Variants in LEPROTL1 observed in about 807,000 individuals in gnomAD.
LEPROTL1 encodes the protein leptin receptor overlapping transcript-like 1.
Under a neutral mutation model 15.4 loss-of-function variants are expected in LEPROTL1, and 6 were observed. The ratio of observed to expected loss-of-function variants is 0.39; its 90% confidence interval spans 0.21 to 0.77. The LOEUF is 0.77. Ranked by LOEUF, LEPROTL1 falls within the 30% of genes least tolerant of loss-of-function variation. LEPROTL1 has a pLI of 0.41. For missense variants in LEPROTL1, 128 were observed against 158.1 expected, an observed-to-expected ratio of 0.81 and a Z score of 1.02; for synonymous variants, 56 against 52.6, an observed-to-expected ratio of 1.06 and a Z score of -0.28.
chr8:30,128,125 C>T (rs527742887), intron 3 of LEPROTL1, among the ~76,000 whole-genome samples: 3 of 152,270 alleles, frequency 2.0e-5, no homozygotes, highest in South Asian at 4.1e-4. Flanking sequence ...TCCGGGCTGT[C>T]CTCTGGGCAG....
Position 30,107,793 on chromosome 8 carries a change from T to G in LEPROTL1, c.*1931T>G. ...GTGCATTCTCTGGTCCTTCCCTATT[T>G]TCTGTTCTGGATGTCAGTGCAGTGC... On this transcript the variant is annotated 3_prime_UTR_variant, in exon 4 of 4. Transcript: ENST00000321250. 2 of 985,454 alleles carry G rather than the reference T, an allele frequency of 2.0e-6. No individual in the cohort carries two copies. The highest frequency in any genetic ancestry group is 2.4e-6 in the Non-Finnish European group (2 of 829,930). 61.0% of individuals were successfully genotyped at this position (985,454 alleles called of 1,614,324 possible).
chr8:30,132,894 A>T, intron 4 of LEPROTL1: 1 of 1,521,810 alleles, frequency 6.6e-7, no homozygotes, highest in Non-Finnish European at 8.8e-7. Context: ...GAGAAGAAAG[A>T]GTGATGCAGA....
At chr8:30,117,788 C>G (rs553343562) in intron 3 of LEPROTL1, 1 of 740,770 alleles carries the variant, frequency 1.3e-6, no homozygotes, top group Non-Finnish European at 2.3e-6. Flanking sequence ...ATTGTGGCGG[C>G]GCAGAAAGAT....
intron 1 of LEPROTL1, 56 bp downstream of exon 1, chr8:30,095,584 G>A (rs999123903): frequency 3.4e-5 from 44 of 1,295,632 alleles, no homozygotes; most frequent in Non-Finnish European, 4.0e-5. Flanking sequence ...AAGATGGGCC[G>A]GGGGTCCCAC....
chr8:30,102,007 G>T, intron 2 of LEPROTL1, 34 bp downstream of exon 2: 1 of 1,398,324 alleles, frequency 7.2e-7, no homozygotes. Context: ...GAATATTTAA[G>T]GGTAAAATTT....
Position 30,108,409 on chromosome 8 carries a change from A to G in LEPROTL1, c.*2547A>G, listed in dbSNP as rs966773776. On this transcript the variant is annotated 3_prime_UTR_variant, in exon 4 of 4. Transcript: ENST00000321250. ...TTTCAGAACATTTTTATGACTTCTT[A>G]TTATGTATTTATTACCACTCATTAT... 25 of 152,038 alleles carry G rather than the reference A, an allele frequency of 1.6e-4. No homozygotes were observed. Among genetic ancestry groups the G allele is most frequent in the Non-Finnish European group, 8.8e-5 (6 of 68,002 alleles). The allele number at this position is 152,038 out of a possible 1,614,324, so 9.4% of individuals were successfully genotyped here.
downstream of LEPROTL1, among the ~76,000 whole-genome samples, chr8:30,108,937 G>GT (rs1802614360): frequency 6.6e-6 from 1 of 151,920 alleles, no homozygotes; most frequent in Non-Finnish European, 1.5e-5. Context: ...GCTAATTTTC[G>GT]TATTTTTTGT....
At chr8:30,117,636 A>G (rs529683582) in intron 3 of LEPROTL1, 50 of 1,477,870 alleles carry the variant, frequency 3.4e-5, no homozygotes, top group South Asian at 3.1e-4. Context: ...AAATTCGCCA[A>G]TGTAACCATG....
Position 30,105,981 on chromosome 8 carries a change from G to T in LEPROTL1, c.*119G>T. The T allele has an allele frequency of 2.3e-6, 3 of 1,294,500 alleles. No homozygotes were observed. The highest frequency in any genetic ancestry group is 3.0e-6 in the Non-Finnish European group (3 of 1,009,876). 80.2% of individuals were successfully genotyped at this position (1,294,500 alleles called of 1,614,324 possible). On this transcript the variant is annotated 3_prime_UTR_variant, in exon 4 of 4. Transcript: ENST00000321250. The stretch of plus-strand genomic sequence containing the variant: ...AGCAAGCCTCTTGGGGGTATTTTAG[G>T]TGCTCCCTTCTCACTTTTATTGTAA...
chr8:30,109,469 A>T (rs1457145915), downstream of LEPROTL1, among the ~76,000 whole-genome samples: 5 of 152,230 alleles, frequency 3.3e-5, no homozygotes, highest in Non-Finnish European at 7.3e-5. Context: ...TGAAAGTATT[A>T]AATGGATTGT....
intron 3 of LEPROTL1, among the ~76,000 whole-genome samples, chr8:30,127,977 G>T (rs1287647747): frequency 6.6e-6 from 1 of 152,068 alleles, no homozygotes; most frequent in Non-Finnish European, 1.5e-5. Context: ...TAATAGAGTG[G>T]GTAATGAAGG....
chr8:30,133,605 A>G (rs192886832), intron 4 of LEPROTL1, among the ~76,000 whole-genome samples: 50 of 152,166 alleles, frequency 3.3e-4, no homozygotes, highest in Admixed American at 1.6e-3. Context: ...TTAATTCAGA[A>G]CCACACACTA....
At chr8:30,112,441 G>T (rs112428364), downstream of LEPROTL1, among the ~76,000 whole-genome samples, 15,954 of 50,226 alleles carry the variant, frequency 0.32, 1,229 homozygotes, top group East Asian at 0.5. Context: ...TGGATTTTTG[G>T]TAGGCACAGG....
intron 1 of LEPROTL1, 116 bp from the exon 2 acceptor site, chr8:30,101,782 A>G: frequency 1.7e-6 from 1 of 594,608 alleles, no homozygotes; most frequent in Non-Finnish European, 2.9e-6. Flanking sequence ...GCAACTTGCT[A>G]TTAATACGTT....
At chr8:30,127,603 A>G (rs1802923799) in intron 3 of LEPROTL1, among the ~76,000 whole-genome samples, 1 of 151,410 alleles carries the variant, frequency 6.6e-6, no homozygotes, top group African/African-American at 2.4e-5. Flanking sequence ...CAGGAGTTCA[A>G]TGCTGAAGTG....
In LEPROTL1 at chr8:30,104,318, T is replaced by G. The variant is rs761759545; in HGVS notation, c.111T>G (p.Phe37Leu). 3.9e-6 allele frequency: 6 copies of G among 1,539,380 alleles called. No individual in the cohort carries two copies. The highest frequency in any genetic ancestry group is 5.3e-6 in the Non-Finnish European group (6 of 1,140,982). The change falls in exon 3 of 4, where the codon TTT becomes TTG. Residue 37 changes from phenylalanine (F) to leucine (L), a missense_variant. Phe to Leu is a conservative substitution (Grantham distance 22). Transcript: ENST00000321250. Reference protein sequence around the residue: ...LPIYNKYWPLFVLFFYILSPI... With the variant: ...LPIYNKYWPLLVLFFYILSPI... ...TTTCTAGCAAATACTGGCCCCTCTT[T>G]GTTCTATTTTTTTACATCCTTTCAC...
chr8:30,114,061 C>T (rs1177209091), intron 3 of LEPROTL1, among the ~76,000 whole-genome samples: 2 of 152,108 alleles, frequency 1.3e-5, no homozygotes, highest in African/African-American at 2.4e-5. Flanking sequence ...CTAGGGAAAA[C>T]ATTTTGGTTT....
downstream of LEPROTL1, among the ~76,000 whole-genome samples, chr8:30,112,196 C>G (rs1194524028): frequency 1.3e-5 from 2 of 152,058 alleles, no homozygotes; most frequent in Non-Finnish European, 2.9e-5. Flanking sequence ...CCTTGCCAAA[C>G]AAAACACTAT....
chr8:30,122,071 G>A (rs1187683392), intron 3 of LEPROTL1, among the ~76,000 whole-genome samples: 1 of 151,842 alleles, frequency 6.6e-6, no homozygotes, highest in Non-Finnish European at 1.5e-5. Context: ...AGAGGCTGAG[G>A]CAGGAGAATC....
Sources: gnomAD v4.1 joint callset for allele counts (sites outside exome capture counted in the v4.1 genomes callset) on GRCh38, gnomAD v4.1.1 for gene constraint, MANE v1.5 for transcripts, NCBI Gene and HGNC (gene_info 2026-07-23, HGNC 2026-07-21) for gene names.